The following FIP1L1 variants were observed in gnomAD, a reference collection of about 807,000 sequenced individuals.
FIP1L1 encodes the protein factor interacting with PAPOLA and CPSF1.
A neutral mutation model predicts 84.6 loss-of-function variants in FIP1L1; 21 were observed. The observed-to-expected ratio is 0.25, with a 90% CI of 0.18 to 0.36. The LOEUF (loss-of-function observed/expected upper bound fraction) is 0.36, where lower values mean the gene tolerates loss of function less well. FIP1L1 is among the 10% of genes least tolerant of loss of function. The pLI, the probability that FIP1L1 is intolerant of heterozygous loss-of-function variation, is 1.00. For missense variants in FIP1L1, 526 were observed against 751.1 expected (o/e 0.70, Z 3.50); for synonymous variants, 263 against 242.3 (o/e 1.09, Z -0.80).
chr4:53,459,635 C>CTA lies in FIP1L1; in HGVS notation c.*188_*189dup, dbSNP rs1553927174. ...TTAAGTTAAAAATCTTTGTCTTGTA[C>CTA]TATTTCAAAAATAAAAAGACAGCAA... On this transcript the variant is annotated 3_prime_UTR_variant, in exon 18 of 18. Coordinates refer to ENST00000337488, the MANE Select transcript of FIP1L1 (RefSeq NM_030917.4). The CTA allele has an allele frequency of 1.3e-5, 10 of 780,236 alleles. No individual in the cohort carries two copies. The East Asian group carries it at 1.4e-4, about 11-fold the overall frequency. The allele number at this position is 780,236 out of a possible 1,614,324, so 48.3% of individuals were successfully genotyped here.
At chr4:53,448,263 G>T (rs1032297353) in intron 15 of FIP1L1, among the ~76,000 whole-genome samples, 1 of 151,836 alleles carries the variant, frequency 6.6e-6, no homozygotes, top group African/African-American at 2.4e-5. Context: ...TACGATTGTC[G>T]TCTCTGTCAT....
intron 5 of FIP1L1, among the ~76,000 whole-genome samples, chr4:53,384,341 G>A (rs1447030325): frequency 1.3e-5 from 2 of 152,068 alleles, no homozygotes; most frequent in African/African-American, 4.8e-5. Flanking sequence ...CCTGGGAGGT[G>A]GAGGTTGCGG....
chr4:53,439,865 C>T (rs962879429), intron 13 of FIP1L1, among the ~76,000 whole-genome samples: 4 of 151,880 alleles, frequency 2.6e-5, no homozygotes, highest in African/African-American at 9.7e-5. Context: ...TTTAAGGGCA[C>T]ATTTGGTCCC....
intron 10 of FIP1L1, among the ~76,000 whole-genome samples, chr4:53,405,299 G>T (rs1257417946): frequency 1.3e-5 from 2 of 152,014 alleles, no homozygotes; most frequent in Non-Finnish European, 2.9e-5. Context: ...TCTCAGGTTT[G>T]TCAAAGATCA....
intron 11 of FIP1L1, among the ~76,000 whole-genome samples, chr4:53,420,429 C>CAAA (rs35693633): frequency 3.1e-4 from 28 of 91,580 alleles, no homozygotes; most frequent in African/African-American, 1.1e-3. Context: ...AACTCCATCT[C>CAAA]AAAAAAAAAA....
chr4:53,390,779 A>G (rs1743858419), intron 7 of FIP1L1, 151 bp downstream of exon 7: 1 of 626,386 alleles, frequency 1.6e-6, no homozygotes, highest in Non-Finnish European at 2.7e-6. Flanking sequence ...GGATTATTAA[A>G]TCTTACTGGT....
intron 10 of FIP1L1, among the ~76,000 whole-genome samples, chr4:53,412,391 T>G (rs535892768): frequency 6.6e-6 from 1 of 152,138 alleles, no homozygotes; most frequent in Admixed American, 6.5e-5. Flanking sequence ...GGCAATGTTT[T>G]CTTTCTTCAT....
chr4:53,421,229 A>G (rs1346543685), intron 11 of FIP1L1, among the ~76,000 whole-genome samples: 1 of 152,226 alleles, frequency 6.6e-6, no homozygotes, highest in Non-Finnish European at 1.5e-5. Flanking sequence ...AGCATTTTAC[A>G]GCCTCACAGT....
In FIP1L1 at chr4:53,377,724, T is replaced by C. The variant is rs1476438113; in HGVS notation, c.-115T>C. The C allele has an allele frequency of 8.3e-6, 8 of 968,554 alleles. No individual in the cohort carries two copies. In the Admixed American group the frequency reaches 1.9e-4, roughly 22 times the overall value. 60.0% of individuals were successfully genotyped at this position (968,554 alleles called of 1,614,324 possible). On this transcript the variant is annotated 5_prime_UTR_variant, in exon 1 of 18. Coordinates refer to ENST00000337488, the MANE Select transcript of FIP1L1 (RefSeq NM_030917.4). ...TTCCTGGGATTGGAGTCTCGAGCTT[T>C]CTTCGTTCGTTCGTCGGCGGGTTCG...
rs1763748533 is a variant in FIP1L1, at chr4:53,424,968, GTTAT to G, written c.924-901_924-898del. On this transcript the variant is annotated intron_variant, in intron 11 of 17. Coordinates refer to ENST00000337488, the MANE Select transcript of FIP1L1 (RefSeq NM_030917.4). ...TGGCATCCAACCTATGGTAGCTGCTGTTATTTGTCATTTTAGGAGCCTAATCTAG... is the reference window on the plus strand; with the variant it reads ...TGGCATCCAACCTATGGTAGCTGCTGTTGTCATTTTAGGAGCCTAATCTAG... Among the ~76,000 whole-genome samples the G allele has an allele frequency of 4.6e-5, 7 of 152,182 alleles. No individual in the cohort carries two copies. In the South Asian group the frequency reaches 1.4e-3, roughly 32 times the overall value.
chr4:53,458,274 A>G (rs1362103617), intron 16 of FIP1L1, among the ~76,000 whole-genome samples: 1 of 152,154 alleles, frequency 6.6e-6, no homozygotes, highest in African/African-American at 2.4e-5. Context: ...ATATACAAAT[A>G]CTATTTTAAT....
intron 15 of FIP1L1, among the ~76,000 whole-genome samples, chr4:53,447,348 C>T (rs1013234525): frequency 2.0e-5 from 3 of 152,016 alleles, no homozygotes; most frequent in African/African-American, 7.2e-5. Flanking sequence ...TTTTGCTCCT[C>T]TTCTCATTTA....
intron 10 of FIP1L1, among the ~76,000 whole-genome samples, chr4:53,411,154 G>T (rs1184325259): frequency 6.6e-6 from 1 of 152,188 alleles, no homozygotes. Context: ...ATAAAAAAGG[G>T]ATGAAGGGGA....
chr4:53,380,325 A>G (rs1737149331), intron 3 of FIP1L1, among the ~76,000 whole-genome samples: 2 of 152,244 alleles, frequency 1.3e-5, no homozygotes, highest in East Asian at 1.9e-4. Flanking sequence ...GTACTGGTAG[A>G]TGTTACAACA....
intron 11 of FIP1L1, among the ~76,000 whole-genome samples, chr4:53,418,337 A>G (rs796743806): frequency 9.8e-5 from 15 of 152,328 alleles, no homozygotes; most frequent in African/African-American, 3.1e-4. Context: ...TTGTGGCCTT[A>G]TCATATGCTA....
intron 11 of FIP1L1, among the ~76,000 whole-genome samples, chr4:53,424,440 T>C (rs1035792791): frequency 2.0e-5 from 3 of 152,042 alleles, no homozygotes; most frequent in Admixed American, 6.6e-5. Context: ...GATATGTTAA[T>C]CCTCCAATGA....
chr4:53,420,482 C>T (rs559550746), intron 11 of FIP1L1, among the ~76,000 whole-genome samples: 1 of 147,778 alleles, frequency 6.8e-6, no homozygotes, highest in East Asian at 2.0e-4. Flanking sequence ...GTCGGATCTC[C>T]TCTTTCATCA....
At chr4:53,415,529 G>T (rs202228364) in intron 11 of FIP1L1, among the ~76,000 whole-genome samples, 22 of 144,658 alleles carry the variant, frequency 1.5e-4, no homozygotes, top group African/African-American at 3.6e-4. Context: ...TTTGTTTTTT[G>T]TTTTTTTTTT....
At position 53,452,900 on chromosome 4, in the gene FIP1L1, T is replaced by C; in HGVS notation, c.1286-20T>C. ...TTTAAAGTACCATAACGTTTGTTTT[T>C]AATCGTGTTTTTTCTTTAGTTGCCT... On this transcript the variant is annotated intron_variant, in intron 15 of 17. Transcript: ENST00000337488. The C allele has an allele frequency of 1.2e-6, 2 of 1,607,706 alleles. No individual in the cohort carries two copies. Among genetic ancestry groups the C allele is most frequent in the Non-Finnish European group, 8.5e-7 (1 of 1,176,264 alleles).
Sources: gnomAD v4.1 joint callset for allele counts (sites outside exome capture counted in the v4.1 genomes callset) on GRCh38, gnomAD v4.1.1 for gene constraint, MANE v1.5 for transcripts, NCBI Gene and HGNC (gene_info 2026-07-23, HGNC 2026-07-21) for gene names.